The following FRMD4B variants were observed in gnomAD, a reference collection of about 807,000 sequenced individuals.
FRMD4B encodes FERM domain-containing protein 4B.
Under a neutral mutation model 141.5 loss-of-function variants are expected in FRMD4B, and 74 were observed. The ratio of observed to expected loss-of-function variants is 0.52; its 90% CI spans 0.43 to 0.63. FRMD4B has a LOEUF of 0.63. Among genes scored for constraint, FRMD4B ranks in the 30% least tolerant of loss-of-function variants. The pLI, the probability that FRMD4B is intolerant of heterozygous loss-of-function variation, is 0.00. For synonymous variants in FRMD4B, 506 were observed against 467.9 expected (o/e 1.08, Z -1.05); for missense variants, 1,366 against 1,253.4 (o/e 1.09, Z -1.36).
chr3:69,273,716 G>A (rs2093605476), intron 5 of FRMD4B, among the ~76,000 whole-genome samples: 5 of 152,260 alleles, frequency 3.3e-5, no homozygotes, highest in Middle Eastern at 3.4e-3. Flanking sequence ...TTTACTAAGG[G>A]CCTATAGTGC....
intron 5 of FRMD4B, among the ~76,000 whole-genome samples, chr3:69,267,620 TATATATATATATATATAGAG>T (rs2093571314): frequency 3.0e-4 from 10 of 33,580 alleles, no homozygotes; most frequent in East Asian, 7.2e-4. Context: ...TATATATATA[TATATATATATATATATAGAG>T]AGAGAGAGAG....
chr3:69,474,440 G>T (rs892748761), intron 1 of FRMD4B, among the ~76,000 whole-genome samples: 1 of 152,060 alleles, frequency 6.6e-6, no homozygotes, highest in Non-Finnish European at 1.5e-5. Flanking sequence ...TTGTTCTAGT[G>T]TGTGTTCCAA....
intron 19 of FRMD4B, among the ~76,000 whole-genome samples, chr3:69,185,053 C>T (rs149438087): frequency 1.2e-3 from 177 of 152,182 alleles, no homozygotes; most frequent in African/African-American, 4.1e-3. Context: ...CCTGTAATCA[C>T]AGCACTTTGG....
intron 5 of FRMD4B, among the ~76,000 whole-genome samples, chr3:69,263,505 C>T: frequency 6.8e-6 from 1 of 147,640 alleles, no homozygotes. Context: ...CTCCTGGGCT[C>T]AAGTGATCTT....
chr3:69,399,088 G>T (rs904278744), intron 2 of FRMD4B, among the ~76,000 whole-genome samples: 26 of 152,144 alleles, frequency 1.7e-4, no homozygotes, highest in Non-Finnish European at 2.9e-5. Flanking sequence ...AAGGGAAGAA[G>T]CCCAAATGCA....
chr3:69,248,290 CAG>C (rs2093438826), intron 7 of FRMD4B, among the ~76,000 whole-genome samples: 1 of 151,746 alleles, frequency 6.6e-6, no homozygotes, highest in Admixed American at 6.6e-5. Flanking sequence ...GAGCACAAAA[CAG>C]AACTGGTGGG....
intron 5 of FRMD4B, among the ~76,000 whole-genome samples, chr3:69,265,736 A>G (rs528439604): frequency 3.3e-5 from 5 of 151,972 alleles, no homozygotes; most frequent in African/African-American, 1.2e-4. Flanking sequence ...CGTGAGCCAC[A>G]GCGCCTGGCC....
chr3:69,299,666 T>C (rs1239590037), intron 4 of FRMD4B, among the ~76,000 whole-genome samples: 2 of 152,250 alleles, frequency 1.3e-5, no homozygotes, highest in Non-Finnish European at 2.9e-5. Flanking sequence ...TTGTTTACTA[T>C]AAAAGTGCCA....
intron 7 of FRMD4B, among the ~76,000 whole-genome samples, chr3:69,244,349 G>C (rs1339154709): frequency 6.6e-6 from 1 of 152,204 alleles, no homozygotes; most frequent in Non-Finnish European, 1.5e-5. Context: ...TCAAGAAAGA[G>C]GTGGATATTC....
At chr3:69,387,936 A>G (rs1704300221), upstream of FRMD4B, among the ~76,000 whole-genome samples, 1 of 152,046 alleles carries the variant, frequency 6.6e-6, no homozygotes. Flanking sequence ...TTTTTTTTTC[A>G]AGATGATGGT....
intron 4 of FRMD4B, among the ~76,000 whole-genome samples, chr3:69,295,902 T>G (rs1048675847): frequency 6.6e-6 from 1 of 152,066 alleles, no homozygotes; most frequent in Non-Finnish European, 1.5e-5. Context: ...CTACAACCTC[T>G]GCCTCCCAGA....
At chr3:69,227,135 T>C (rs1046153430) in intron 7 of FRMD4B, among the ~76,000 whole-genome samples, 2 of 152,222 alleles carry the variant, frequency 1.3e-5, no homozygotes, top group Non-Finnish European at 2.9e-5. Flanking sequence ...TAATTTGAAC[T>C]ATACACAATC....
rs184686417 is a variant in FRMD4B, at chr3:69,374,314, A to G, written c.162+11514T>C. On this transcript the variant is annotated intron_variant, in intron 1 of 22. Transcript: ENST00000398540. ...ATAGCCGATAAGTGATGGAGATTTT[A>G]TTTTTATCCCAGGTTCAGCTGGCTC... 2.6e-4 allele frequency among the ~76,000 whole-genome samples: 40 copies of G among 152,256 alleles called. No homozygotes were observed. The East Asian group carries it at 5.8e-3, about 22-fold the overall frequency.
chr3:69,338,521 T>C (rs778439867), intron 1 of FRMD4B, among the ~76,000 whole-genome samples: 10 of 151,838 alleles, frequency 6.6e-5, no homozygotes, highest in South Asian at 2.1e-4. Context: ...AGTGAGAAAA[T>C]GTCCTTTGCA....
At chr3:69,338,897 A>G (rs1702643083) in intron 1 of FRMD4B, among the ~76,000 whole-genome samples, 1 of 152,228 alleles carries the variant, frequency 6.6e-6, no homozygotes, top group African/African-American at 2.4e-5. Context: ...ATAGCTATAA[A>G]TAACTTAGTA....
At chr3:69,211,022 C>CAAAA (rs1559720205) in intron 11 of FRMD4B, among the ~76,000 whole-genome samples, 1 of 3,366 alleles carries the variant, frequency 3.0e-4, no homozygotes, top group Admixed American at 5.3e-3. Context: ...AATGCCATCT[C>CAAAA]GAAAAAAAAA....
At chr3:69,523,695 A>C (rs1274878425) in intron 1 of FRMD4B, among the ~76,000 whole-genome samples, 1 of 152,168 alleles carries the variant, frequency 6.6e-6, no homozygotes, top group Admixed American at 6.5e-5. Context: ...AGCAGAGCAC[A>C]CTACCACCCT....
At chr3:69,333,232 A>C (rs1702438688) in intron 1 of FRMD4B, among the ~76,000 whole-genome samples, 1 of 152,208 alleles carries the variant, frequency 6.6e-6, no homozygotes. Context: ...ACTGTCCTGG[A>C]GATAAAAATC....
intron 22 of FRMD4B, among the ~76,000 whole-genome samples, chr3:69,175,967 A>C (rs1295991040): frequency 1.3e-5 from 2 of 151,814 alleles, no homozygotes; most frequent in Non-Finnish European, 2.9e-5. Flanking sequence ...TTTTTAGTAG[A>C]GATGGGGTTT....
Sources: allele counts gnomAD v4.1 joint callset (sites outside exome capture counted in the v4.1 genomes callset), GRCh38; gene constraint gnomAD v4.1.1; transcripts MANE v1.5; gene names NCBI Gene and HGNC (gene_info 2026-07-23, HGNC 2026-07-21).